Variants in AGBL4 observed in about 807,000 individuals in gnomAD.
AGBL4 encodes the protein AGBL carboxypeptidase 4, also known as cytosolic carboxypeptidase 6.
A neutral mutation model predicts 66.4 loss-of-function variants in AGBL4; 58 were observed. That is an observed-to-expected ratio of 0.87 (90% CI 0.71 to 1.09). The LOEUF is 1.09. Ranked by LOEUF, AGBL4 falls within the 50% of genes least tolerant of loss-of-function variation. AGBL4 has a pLI of 0.00. For missense variants in AGBL4, 579 were observed against 631.0 expected, an observed-to-expected ratio of 0.92 and a Z score of 0.88; for synonymous variants, 234 against 222.9, an observed-to-expected ratio of 1.05 and a Z score of -0.44.
At chr1:49,850,609 G>C (rs1361569387) in intron 2 of AGBL4, among the ~76,000 whole-genome samples, 1 of 151,972 alleles carries the variant, frequency 6.6e-6, no homozygotes, top group South Asian at 2.1e-4. Flanking sequence ...TCAATTGTTT[G>C]GTATAAACAA....
intron 3 of AGBL4, among the ~76,000 whole-genome samples, chr1:49,291,733 TG>T (rs1410160160): frequency 6.6e-6 from 1 of 152,208 alleles, no homozygotes; most frequent in Non-Finnish European, 1.5e-5. Flanking sequence ...ATGGCAGTGG[TG>T]GCCTGTCTGG....
chr1:48,788,400 C>T (rs1353540447), intron 6 of AGBL4, among the ~76,000 whole-genome samples: 1 of 152,184 alleles, frequency 6.6e-6, no homozygotes, highest in Admixed American at 6.5e-5. Context: ...AGATATGCCA[C>T]CCACCATCCC....
intron 3 of AGBL4, among the ~76,000 whole-genome samples, chr1:49,655,002 A>G (rs1475456931): frequency 1.3e-5 from 2 of 152,156 alleles, no homozygotes; most frequent in African/African-American, 4.8e-5. Flanking sequence ...TAGCTGATGC[A>G]ATTTCTTCCT....
intron 3 of AGBL4, among the ~76,000 whole-genome samples, chr1:49,593,251 C>T (rs1416240579): frequency 6.6e-6 from 1 of 151,806 alleles, no homozygotes; most frequent in South Asian, 2.1e-4. Context: ...TAAAAAAATA[C>T]AAAAAATTAG....
intron 6 of AGBL4, among the ~76,000 whole-genome samples, chr1:48,858,313 C>A (rs1647231513): frequency 6.6e-6 from 1 of 152,212 alleles, no homozygotes; most frequent in African/African-American, 2.4e-5. Context: ...ATATGACTAG[C>A]AATTCCATTC....
At chr1:49,749,698 C>A (rs528322250) in intron 2 of AGBL4, among the ~76,000 whole-genome samples, 1 of 152,216 alleles carries the variant, frequency 6.6e-6, no homozygotes, top group Non-Finnish European at 1.5e-5. Flanking sequence ...ATAAATCTAA[C>A]AAGAGATGTC....
At chr1:48,555,198 T>A (rs1644303809) in intron 11 of AGBL4, among the ~76,000 whole-genome samples, 1 of 152,090 alleles carries the variant, frequency 6.6e-6, no homozygotes, top group African/African-American at 2.4e-5. Context: ...TCTTTTTTTT[T>A]TTTCCTGAGA....
At chr1:49,583,814 A>G (rs1383931770) in intron 3 of AGBL4, among the ~76,000 whole-genome samples, 2 of 152,148 alleles carry the variant, frequency 1.3e-5, no homozygotes, top group African/African-American at 2.4e-5. Flanking sequence ...ACCACCTATC[A>G]TCTCTAGAAC....
At chr1:49,679,251 C>T (rs1646642301) in intron 3 of AGBL4, among the ~76,000 whole-genome samples, 1 of 152,074 alleles carries the variant, frequency 6.6e-6, no homozygotes, top group Non-Finnish European at 1.5e-5. Context: ...AAGAAGATGC[C>T]TTCTTGGTGA....
chr1:48,554,636 T>G (rs1405951841), intron 11 of AGBL4, among the ~76,000 whole-genome samples: 1 of 152,214 alleles, frequency 6.6e-6, no homozygotes, highest in Non-Finnish European at 1.5e-5. Context: ...GTTACTTTCT[T>G]TTTAACTGTT....
At chr1:49,928,275 G>A (rs760926175) in intron 1 of AGBL4, among the ~76,000 whole-genome samples, 4 of 151,416 alleles carry the variant, frequency 2.6e-5, no homozygotes, top group South Asian at 2.1e-4. Flanking sequence ...TTTTTGAGAC[G>A]GAGTCTCACT....
chr1:49,604,991 A>C (rs1042347833), intron 3 of AGBL4, among the ~76,000 whole-genome samples: 4 of 152,276 alleles, frequency 2.6e-5, no homozygotes, highest in African/African-American at 9.6e-5. Context: ...TTGAGTACAT[A>C]TCTTATGCCA....
chr1:48,586,838 G>A (rs1467099860), intron 11 of AGBL4, 166 bp downstream of exon 11: 1 of 881,086 alleles, frequency 1.1e-6, no homozygotes, highest in African/African-American at 1.7e-5. Flanking sequence ...TAAGGGCTGA[G>A]GCAAACTGGA....
At chr1:48,731,703 G>C (rs941953844) in intron 6 of AGBL4, among the ~76,000 whole-genome samples, 8 of 152,180 alleles carry the variant, frequency 5.3e-5, no homozygotes, top group Non-Finnish European at 1.2e-4. Flanking sequence ...AGGGAACAAG[G>C]CTTGTTCACG....
chr1:49,360,414 TC>T (rs1644112373), intron 3 of AGBL4, among the ~76,000 whole-genome samples: 1 of 152,198 alleles, frequency 6.6e-6, no homozygotes, highest in Non-Finnish European at 1.5e-5. Flanking sequence ...AATAATTCAT[TC>T]CCACTGAAGT....
At chr1:49,554,595 G>A (rs1311775952) in intron 3 of AGBL4, among the ~76,000 whole-genome samples, 2 of 152,170 alleles carry the variant, frequency 1.3e-5, no homozygotes, top group African/African-American at 4.8e-5. Flanking sequence ...TGCTTGAGAG[G>A]AGGCAGAGAA....
intron 11 of AGBL4, chr1:48,584,826 T>C (rs1644794359): frequency 6.6e-6 from 1 of 152,256 alleles, no homozygotes; most frequent in African/African-American, 2.4e-5. Flanking sequence ...AAAGACATTC[T>C]TGTCTTTAGT....
At chr1:49,623,754 T>C (rs918408174) in intron 3 of AGBL4, among the ~76,000 whole-genome samples, 1 of 152,194 alleles carries the variant, frequency 6.6e-6, no homozygotes, top group Non-Finnish European at 1.5e-5. Context: ...TTAGCTGGAT[T>C]GTGAGCTCCT....
At chr1:49,658,936 C>G (rs1286366208) in intron 3 of AGBL4, among the ~76,000 whole-genome samples, 1 of 151,748 alleles carries the variant, frequency 6.6e-6, no homozygotes, top group Non-Finnish European at 1.5e-5. Flanking sequence ...TTCAGCACAC[C>G]AACATGGCAC....
Sources: allele counts gnomAD v4.1 joint callset (sites outside exome capture counted in the v4.1 genomes callset), GRCh38; gene constraint gnomAD v4.1.1; transcripts MANE v1.5; gene names NCBI Gene and HGNC (gene_info 2026-07-23, HGNC 2026-07-21).